CSGALNACT2: variants seen among roughly 807,000 people sequenced by gnomAD.
The protein encoded by CSGALNACT2 is chondroitin sulfate N-acetylgalactosaminyltransferase 2, also known as beta 4 GalNAcT-2.
Under a neutral mutation model 55.3 loss-of-function variants are expected in CSGALNACT2, and 35 were observed. That is an observed-to-expected ratio of 0.63 (90% confidence interval 0.48 to 0.84). The LOEUF (loss-of-function observed/expected upper bound fraction) is 0.84, where lower values mean the gene tolerates loss of function less well. CSGALNACT2 is among the 40% of genes least tolerant of loss of function. CSGALNACT2 has a pLI of 0.00. For missense variants in CSGALNACT2, 544 were observed against 657.5 expected (o/e 0.83, Z 1.89); for synonymous variants, 196 against 224.9 (o/e 0.87, Z 1.15).
intron 1 of CSGALNACT2, among the ~76,000 whole-genome samples, chr10:43,147,196 C>T (rs962889560): frequency 6.6e-5 from 10 of 151,574 alleles, no homozygotes; most frequent in Non-Finnish European, 1.2e-4. Flanking sequence ...GGGATGGTCT[C>T]GATCTCCTGA....
At chr10:43,183,120 G>C (rs1197608880) in intron 7 of CSGALNACT2, 130 bp from the exon 8 acceptor site, 6 of 707,330 alleles carry the variant, frequency 8.5e-6, no homozygotes, top group South Asian at 7.3e-5. Flanking sequence ...CTCCATGCCA[G>C]GTGTCTCGTG....
chr10:43,173,060 T>C (rs566989153), intron 6 of CSGALNACT2, among the ~76,000 whole-genome samples: 5 of 152,238 alleles, frequency 3.3e-5, no homozygotes, highest in African/African-American at 1.2e-4. Context: ...TGGAAAGCCT[T>C]TGGAGGGAGA....
chr10:43,171,175 T>C (rs2505556), intron 6 of CSGALNACT2, among the ~76,000 whole-genome samples: 85,097 of 151,958 alleles, frequency 0.56, 24,394 homozygotes, highest in African/African-American at 0.62. Context: ...ATGATAACAT[T>C]AGGGGAAGCT....
At chr10:43,159,985 G>C (rs1839110106) in intron 3 of CSGALNACT2, among the ~76,000 whole-genome samples, 1 of 152,136 alleles carries the variant, frequency 6.6e-6, no homozygotes, top group African/African-American at 2.4e-5. Context: ...GTTCCAAATA[G>C]CTCACTTGAG....
In CSGALNACT2 at chr10:43,158,670, A is replaced by G. The variant is rs750484404; in HGVS notation, c.662-45A>G. 38 of 1,146,736 alleles carry G rather than the reference A, an allele frequency of 3.3e-5. 1 individual carries two copies. The highest frequency in any genetic ancestry group is 5.0e-5 in the Non-Finnish European group (38 of 766,830). 71.0% of individuals were successfully genotyped at this position (1,146,736 alleles called of 1,614,324 possible). Reference sequence around the variant, plus strand: ...AAATCTGTCTTCCCATTGAATTTGTAAACTTTGACATGGAGACGTCTTTGT... The same window carrying G: ...AAATCTGTCTTCCCATTGAATTTGTGAACTTTGACATGGAGACGTCTTTGT... On this transcript the variant is annotated intron_variant, in intron 2 of 7. Coordinates refer to ENST00000374466, the MANE Select transcript of CSGALNACT2 (RefSeq NM_018590.5).
intron 2 of CSGALNACT2, among the ~76,000 whole-genome samples, chr10:43,156,479 T>G (rs1839012049): frequency 6.6e-6 from 1 of 152,252 alleles, no homozygotes; most frequent in African/African-American, 2.4e-5. Flanking sequence ...TTACACTCAC[T>G]GCTAGACATT....
intron 3 of CSGALNACT2, 29 bp downstream of exon 3, chr10:43,158,960 A>G: frequency 7.7e-7 from 1 of 1,290,978 alleles, no homozygotes; most frequent in Non-Finnish European, 1.1e-6. Flanking sequence ...TGATTAAGCT[A>G]CATTCTCCTA....
At chr10:43,163,607 G>C in intron 4 of CSGALNACT2, 2 of 985,414 alleles carry the variant, frequency 2.0e-6, no homozygotes, top group Non-Finnish European at 2.4e-6. Context: ...AGGTGTTTAA[G>C]ATTCCAAAGG....
Position 43,183,547 on chromosome 10 carries a change from A to C in CSGALNACT2, c.*5A>C, listed in dbSNP as rs754910477. The C allele has an allele frequency of 6.8e-6, 11 of 1,612,328 alleles. 1 individual carries two copies. In the South Asian group the frequency reaches 1.2e-4, roughly 18 times the overall value. On this transcript the variant is annotated 3_prime_UTR_variant, in exon 8 of 8. Coordinates refer to ENST00000374466, the MANE Select transcript of CSGALNACT2 (RefSeq NM_018590.5). ...AACAGTGAAGCTGTTGGTTGAAATCATAATTAATGCGTTACTGTATGAACC... is the reference window on the plus strand; with the variant it reads ...AACAGTGAAGCTGTTGGTTGAAATCCTAATTAATGCGTTACTGTATGAACC...
chr10:43,152,898 T>G (rs989645964), intron 1 of CSGALNACT2, among the ~76,000 whole-genome samples: 17 of 152,274 alleles, frequency 1.1e-4, no homozygotes, highest in African/African-American at 3.8e-4. Flanking sequence ...AATTCAAGTG[T>G]TTTCTTATGC....
intron 1 of CSGALNACT2, among the ~76,000 whole-genome samples, chr10:43,152,996 T>C (rs1838910147): frequency 6.6e-6 from 1 of 152,138 alleles, no homozygotes; most frequent in African/African-American, 2.4e-5. Flanking sequence ...AGCCAACTAT[T>C]TTTTTTCTGT....
chr10:43,161,288 C>G (rs1182244349), intron 4 of CSGALNACT2, among the ~76,000 whole-genome samples: 1 of 152,200 alleles, frequency 6.6e-6, no homozygotes. Flanking sequence ...ACAACCTAAC[C>G]AGTATTTCTG....
chr10:43,156,860 C>G (rs375481800), intron 2 of CSGALNACT2, among the ~76,000 whole-genome samples: 13 of 152,260 alleles, frequency 8.5e-5, no homozygotes, highest in Non-Finnish European at 2.9e-5. Flanking sequence ...TAGTTCCCAA[C>G]AAACAGGCCA....
chr10:43,162,773 G>C (rs911385111), intron 4 of CSGALNACT2: 1 of 907,826 alleles, frequency 1.1e-6, no homozygotes, highest in South Asian at 5.1e-5. Flanking sequence ...TCCAGCCCTA[G>C]CATCTGATTC....
intron 1 of CSGALNACT2, among the ~76,000 whole-genome samples, chr10:43,148,581 A>G (rs80225850): frequency 0.044 from 6,666 of 152,244 alleles, 180 homozygotes; most frequent in South Asian, 0.089. Flanking sequence ...TGTAGTTTCT[A>G]TGAATACAAG....
intron 1 of CSGALNACT2, among the ~76,000 whole-genome samples, chr10:43,147,049 C>G (rs1838770705): frequency 8.5e-6 from 1 of 118,204 alleles, no homozygotes; most frequent in Non-Finnish European, 1.7e-5. Context: ...GATCTCGGCT[C>G]ACTGCAAGCT....
chr10:43,140,301 C>T (rs1467504853), intron 1 of CSGALNACT2, among the ~76,000 whole-genome samples: 1 of 152,090 alleles, frequency 6.6e-6, no homozygotes, highest in African/African-American at 2.4e-5. Flanking sequence ...AAATTACCAA[C>T]ATGGAGTCAT....
In CSGALNACT2 at chr10:43,164,057, T is replaced by C. The variant is rs1461246292; in HGVS notation, c.1159+13T>C. On this transcript the variant is annotated intron_variant, in intron 5 of 7. Transcript: ENST00000374466. ...AATGCTGAGCCAGGTGCGTAAAATG[T>C]TGGTAGATGAGCTGACTATAGAATT... 1.2e-6 allele frequency: 2 copies of C among 1,606,826 alleles called. No homozygotes were observed. The highest frequency in any genetic ancestry group is 2.2e-5 in the South Asian group (2 of 90,462).
chr10:43,164,148 C>G, intron 5 of CSGALNACT2, 104 bp downstream of exon 5: 2 of 923,640 alleles, frequency 2.2e-6, no homozygotes, highest in Non-Finnish European at 1.6e-6. Context: ...TTTAGTTAAA[C>G]CCCAGTATTT....
Sources: allele counts gnomAD v4.1 joint callset (sites outside exome capture counted in the v4.1 genomes callset), GRCh38; gene constraint gnomAD v4.1.1; transcripts MANE v1.5; gene names NCBI Gene and HGNC (gene_info 2026-07-23, HGNC 2026-07-21).